The following MRPS11 variants were observed in gnomAD, a reference collection of about 807,000 sequenced individuals.
MRPS11 encodes mitochondrial ribosomal protein S11.
Under a neutral mutation model 24.3 loss-of-function variants are expected in MRPS11, and 27 were observed. The ratio of observed to expected loss-of-function variants is 1.11; its 90% CI spans 0.82 to 1.53. The LOEUF is 1.53. MRPS11 is among the 40% of genes most tolerant of loss of function. MRPS11 has a pLI of 0.00. For missense variants in MRPS11, 277 were observed against 256.5 expected, an observed-to-expected ratio of 1.08 and a Z score of -0.55; for synonymous variants, 104 against 98.7, an observed-to-expected ratio of 1.05 and a Z score of -0.32.
Position 88,472,618 on chromosome 15 carries a change from T to C in MRPS11, c.183-9T>C. 2 of 1,604,864 alleles carry C rather than the reference T, an allele frequency of 1.2e-6. No homozygotes were observed. The highest frequency in any genetic ancestry group is 1.7e-6 in the Non-Finnish European group (2 of 1,173,754). On this transcript the variant is annotated splice_polypyrimidine_tract_variant and intron_variant, in intron 2 of 5. Transcript: ENST00000325844. Reference sequence around the variant, plus strand: ...ACAATTTTAAATAAAATCTTTCTTCTAATTGCAGCATTTACCCTCCCATTC... The same window carrying C: ...ACAATTTTAAATAAAATCTTTCTTCCAATTGCAGCATTTACCCTCCCATTC...
rs764400882 is a variant in MRPS11 at position 88,475,086 on chromosome 15, A to G, written c.282-24A>G. 6.2e-7 allele frequency: 1 copy of G among 1,613,830 alleles called. No individual in the cohort carries two copies. The highest frequency in any genetic ancestry group is 1.1e-5 in the South Asian group (1 of 91,054). ...TTTCCCTGAAGAAGAGTTGTATCCT[A>G]TGTGCTTCTTCTACTTTTCTCAGCA... On this transcript the variant is annotated intron_variant, in intron 3 of 5. Coordinates refer to ENST00000325844, the MANE Select transcript of MRPS11 (RefSeq NM_022839.5). This position sits in a 1 kb window ranked among gnomAD's most constrained non-coding sequence, Gnocchi z 4.1.
intron 4 of MRPS11, among the ~76,000 whole-genome samples, chr15:88,476,449 G>A (rs1247464520): frequency 1.3e-5 from 2 of 152,148 alleles, no homozygotes; most frequent in Non-Finnish European, 2.9e-5. Flanking sequence ...AAATCAAAAT[G>A]CTGTAAATGC....
chr15:88,474,524 A>G (rs1264317574), intron 3 of MRPS11, among the ~76,000 whole-genome samples: 1 of 148,728 alleles, frequency 6.7e-6, no homozygotes, highest in Non-Finnish European at 1.5e-5. Context: ...GTGCCATTGC[A>G]CTCCAGCCTG....
At position 88,475,821 on chromosome 15, in the gene MRPS11, G is replaced by A. The variant is rs186708238; in HGVS notation, c.411+582G>A. Among the ~76,000 whole-genome samples the A allele has an allele frequency of 1.2e-3, 178 of 152,258 alleles. 1 individual carries two copies. Among genetic ancestry groups the A allele is most frequent in the South Asian group, 3.7e-3 (18 of 4,824 alleles). ...AAAATAGAAAAATTAGCTGGGCGTGGTGGTGCGCGCCTGTAGTCCCAGGTA... is the reference window on the plus strand; with the variant it reads ...AAAATAGAAAAATTAGCTGGGCGTGATGGTGCGCGCCTGTAGTCCCAGGTA... On this transcript the variant is annotated intron_variant, in intron 4 of 5. Transcript: ENST00000325844. The surrounding 1 kb of genome is among the most constrained non-coding windows in gnomAD (Gnocchi z 4.1).
intron 2 of MRPS11, among the ~76,000 whole-genome samples, chr15:88,471,406 G>A (rs1032476258): frequency 6.6e-6 from 1 of 152,210 alleles, no homozygotes; most frequent in Non-Finnish European, 1.5e-5. Context: ...CTAAAATGGA[G>A]TCTATTGTAT....
intron 4 of MRPS11, 82 bp from the exon 5 acceptor site, chr15:88,476,905 ACC>A: frequency 7.1e-7 from 1 of 1,399,432 alleles, no homozygotes; most frequent in African/African-American, 1.4e-5. Flanking sequence ...GAGCTCACAC[ACC>A]CCTTGCTCTA....
At position 88,478,623 on chromosome 15, in the gene MRPS11, T is replaced by G. The variant is rs568694121; in HGVS notation, c.*644T>G. 3 of 153,698 alleles carry G rather than the reference T, an allele frequency of 2.0e-5. No individual in the cohort carries two copies. In the East Asian group the frequency reaches 5.8e-4, roughly 30 times the overall value. The allele number at this position is 153,698 out of a possible 1,614,324, so 9.5% of individuals were successfully genotyped here. A position where few individuals can be genotyped will look rare whatever the true frequency, so the allele number is the denominator to read the frequency against. On this transcript the variant is annotated 3_prime_UTR_variant, in exon 6 of 6. Transcript: ENST00000325844. This position sits in a 1 kb window ranked among gnomAD's most constrained non-coding sequence, Gnocchi z 4.7. The stretch of plus-strand genomic sequence containing the variant: ...CCACACTAAAGTGGCAGTCATCGTT[T>G]ACACTCCATGGGCTTCAGCAGTCCC...
Position 88,477,837 on chromosome 15 carries a change from C to T in MRPS11, c.478-35C>T. The stretch of plus-strand genomic sequence containing the variant: ...AGACACTGGATCATCATTTCTGGGA[C>T]CATGTCATTCTACTTTTCCTTCTGT... On this transcript the variant is annotated intron_variant, in intron 5 of 5. Transcript: ENST00000325844. This position sits in a 1 kb window ranked among gnomAD's most constrained non-coding sequence, Gnocchi z 5.7. 6.3e-7 allele frequency: 1 copy of T among 1,579,132 alleles called. No homozygotes were observed. The highest frequency in any genetic ancestry group is 8.7e-7 in the Non-Finnish European group (1 of 1,148,894).
chr15:88,472,513 C>A, intron 2 of MRPS11, 114 bp from the exon 3 acceptor site: 1 of 779,184 alleles, frequency 1.3e-6, no homozygotes. Context: ...GTGGGGGCAG[C>A]CACTTAAGAA....
rs1213002750 is a variant in MRPS11 at position 88,472,595 on chromosome 15, A to G, written c.183-32A>G. ...TCTTTGATTTTTAAAAAGTCGAGAC[A>G]ATTTTAAATAAAATCTTTCTTCTAA... On this transcript the variant is annotated intron_variant, in intron 2 of 5. Transcript: ENST00000325844. 2.6e-6 allele frequency: 4 copies of G among 1,547,824 alleles called. No homozygotes were observed. The African/African-American group carries it at 5.4e-5, about 21-fold the overall frequency.
At chr15:88,470,880 C>T (rs1341941392) in intron 2 of MRPS11, among the ~76,000 whole-genome samples, 2 of 152,066 alleles carry the variant, frequency 1.3e-5, no homozygotes, top group Non-Finnish European at 2.9e-5. Flanking sequence ...AAGAGGTTTT[C>T]GAGGGTTGTT....
chr15:88,469,869 G>A lies in MRPS11; in HGVS notation c.182+1845G>A, dbSNP rs978809234. Among the ~76,000 whole-genome samples, 33 of 152,278 alleles carry A rather than the reference G, an allele frequency of 2.2e-4. No individual in the cohort carries two copies. The highest frequency in any genetic ancestry group is 4.1e-4 in the South Asian group (2 of 4,824). On this transcript the variant is annotated intron_variant, in intron 2 of 5. Coordinates refer to ENST00000325844, the MANE Select transcript of MRPS11 (RefSeq NM_022839.5). The surrounding 1 kb of genome is among the most constrained non-coding windows in gnomAD (Gnocchi z 4.4). ...AATATACAGTGTGAGAAAAAGGAGC[G>A]AAGGAAGACCCCAAATTTTGTTGGC... is the stretch of plus-strand genomic sequence containing the variant.
chr15:88,469,754 G>C lies in MRPS11; in HGVS notation c.182+1730G>C, dbSNP rs1050758486. ...AAGACTATTGAAATAATCCAGACAAGAAACAATGGTGGCTTGGACCATGGT... is the reference window on the plus strand; with the variant it reads ...AAGACTATTGAAATAATCCAGACAACAAACAATGGTGGCTTGGACCATGGT... On this transcript the variant is annotated intron_variant, in intron 2 of 5. Transcript: ENST00000325844. The surrounding 1 kb of genome is among the most constrained non-coding windows in gnomAD (Gnocchi z 4.4). Among the ~76,000 whole-genome samples, 1 of 152,180 alleles carries C rather than the reference G, an allele frequency of 6.6e-6. No homozygotes were observed. Among genetic ancestry groups the C allele is most frequent in the African/African-American group, 2.4e-5 (1 of 41,436 alleles).
Position 88,477,990 on chromosome 15 carries a change from G to A in MRPS11, c.*11G>A. The A allele has an allele frequency of 6.2e-7, 1 of 1,609,894 alleles. No homozygotes were observed. The highest frequency in any genetic ancestry group is 1.7e-5 in the Admixed American group (1 of 60,020). On this transcript the variant is annotated 3_prime_UTR_variant, in exon 6 of 6. Coordinates refer to ENST00000325844, the MANE Select transcript of MRPS11 (RefSeq NM_022839.5). The surrounding 1 kb of genome is among the most constrained non-coding windows in gnomAD (Gnocchi z 5.7). ...GCTCGGAAGCTGTGATGGGAAGGAG[G>A]CCTGCACTTGGACCTGACCTCAAGC...
At chr15:88,476,067 AGT>A (rs528322324) in intron 4 of MRPS11, among the ~76,000 whole-genome samples, 2 of 152,352 alleles carry the variant, frequency 1.3e-5, no homozygotes, top group South Asian at 4.1e-4. Context: ...TACCAGTTCC[AGT>A]GTGAACTGTC....
At position 88,469,366 on chromosome 15, in the gene MRPS11, A is replaced by G. The variant is rs2055634753; in HGVS notation, c.182+1342A>G. 6.6e-6 allele frequency among the ~76,000 whole-genome samples: 1 copy of G among 152,252 alleles called. No individual in the cohort carries two copies. The highest frequency in any genetic ancestry group is 6.5e-5 in the Admixed American group (1 of 15,286). On this transcript the variant is annotated intron_variant, in intron 2 of 5. Transcript: ENST00000325844. The surrounding 1 kb of genome is among the most constrained non-coding windows in gnomAD (Gnocchi z 4.4). The stretch of plus-strand genomic sequence containing the variant: ...AGTCATTTCTTCAACAATGCCAGGC[A>G]CTGTTCAGAGTGTTGGGGATATATC...
chr15:88,473,923 C>T (rs922592678), intron 3 of MRPS11, among the ~76,000 whole-genome samples: 1 of 152,250 alleles, frequency 6.6e-6, no homozygotes, highest in African/African-American at 2.4e-5. Flanking sequence ...GATGCAGTGG[C>T]TCACACCTAT....
chr15:88,473,211 G>A (rs1406159212), intron 3 of MRPS11, among the ~76,000 whole-genome samples: 1 of 152,218 alleles, frequency 6.6e-6, no homozygotes, highest in Non-Finnish European at 1.5e-5. Flanking sequence ...CCTCCACCTT[G>A]TAGAGCTAAA....
At chr15:88,474,389 G>A (rs1300433408) in intron 3 of MRPS11, among the ~76,000 whole-genome samples, 4 of 151,850 alleles carry the variant, frequency 2.6e-5, no homozygotes, top group Admixed American at 6.6e-5. Flanking sequence ...GAGAAACCCC[G>A]TCTTTACTAA....
Sources: allele counts gnomAD v4.1 joint callset (sites outside exome capture counted in the v4.1 genomes callset), GRCh38; gene constraint gnomAD v4.1.1; non-coding constraint Gnocchi (gnomAD v3.1); transcripts MANE v1.5; gene names NCBI Gene and HGNC (gene_info 2026-07-23, HGNC 2026-07-21).